DNAI7: variants seen among roughly 807,000 people sequenced by gnomAD.
DNAI7 encodes the protein cancer susceptibility 1.
A neutral mutation model predicts 86.6 loss-of-function variants in DNAI7; 78 were observed. The ratio of observed to expected loss-of-function variants is 0.90; its 90% CI spans 0.75 to 1.09. The LOEUF (loss-of-function observed/expected upper bound fraction) is 1.09, where lower values mean the gene tolerates loss of function less well. DNAI7 is among the 50% of genes least tolerant of loss of function. The pLI, the probability that DNAI7 is intolerant of heterozygous loss-of-function variation, is 0.00. For synonymous variants in DNAI7, 274 were observed against 273.0 expected (o/e 1.00, Z -0.04); for missense variants, 753 against 810.2 (o/e 0.93, Z 0.86).
rs1949699925 is a variant in DNAI7, at chr12:25,110,231, C to T, written c.1789G>A (p.Val597Ile). 3 of 1,582,838 alleles carry T rather than the reference C, an allele frequency of 1.9e-6. No homozygotes were observed. Among genetic ancestry groups the T allele is most frequent in the Non-Finnish European group, 2.6e-6 (3 of 1,152,708 alleles). Residue 597 changes from valine to isoleucine, a missense_variant, in exon 15 of 16, where the codon GTA (valine) becomes ATA (isoleucine). Coordinates refer to ENST00000395987, the MANE Select transcript of DNAI7 (RefSeq NM_018272.5). ...ATCTGTCGATAAGCTTTCACTTCTA[C>T]CAAAGGAACCTGTCAATATAAAAAC... ...YVIINNKVPLVEVKAYRQMAL... is the reference protein window; with the variant it reads ...YVIINNKVPLIEVKAYRQMAL...
chr12:25,144,457 C>G lies in DNAI7; in HGVS notation c.910G>C (p.Glu304Gln). The G allele has an allele frequency of 6.2e-7, 1 of 1,614,152 alleles. No homozygotes were observed. The highest frequency in any genetic ancestry group is 8.5e-7 in the Non-Finnish European group (1 of 1,180,004). ...VEKAISKEVE[E>Q]ESKQQERGSH... is the part of the protein sequence containing the mutation. Reference sequence around the variant, plus strand: ...CCTCTTTCTTGTTGTTTGGACTCTTCTTCGACCTCCTTGCTGATTGCTTTT... The same window carrying G: ...CCTCTTTCTTGTTGTTTGGACTCTTGTTCGACCTCCTTGCTGATTGCTTTT... The change falls in exon 9 of 16, where the codon GAA becomes CAA. Residue 304 changes from glutamate (E) to glutamine (Q), a missense_variant. Physicochemically the swap from Glu to Gln is conservative, Grantham distance 29. Coordinates refer to ENST00000395987, the MANE Select transcript of DNAI7 (RefSeq NM_018272.5).
At chr12:25,173,747 T>C (rs4365138) in intron 2 of DNAI7, among the ~76,000 whole-genome samples, 6,124 of 151,362 alleles carry the variant, frequency 0.04, 416 homozygotes, top group African/African-American at 0.13. Flanking sequence ...TATATATATA[T>C]ACACACACAC....
chr12:25,186,936 C>T (rs1394744534), intron 2 of DNAI7, among the ~76,000 whole-genome samples: 1 of 152,158 alleles, frequency 6.6e-6, no homozygotes, highest in African/African-American at 2.4e-5. Flanking sequence ...TTGAAGACTT[C>T]TAACCTACAC....
At chr12:25,138,660 A>G (rs1008121283) in intron 9 of DNAI7, among the ~76,000 whole-genome samples, 1 of 152,184 alleles carries the variant, frequency 6.6e-6, no homozygotes, top group East Asian at 1.9e-4. Context: ...GAACTGAACA[A>G]TAATAGTGAC....
At chr12:25,153,771 G>T (rs1199199617) in intron 6 of DNAI7, among the ~76,000 whole-genome samples, 1 of 151,878 alleles carries the variant, frequency 6.6e-6, no homozygotes, top group Non-Finnish European at 1.5e-5. Context: ...TACTTTTTTT[G>T]ATTAAAGCAA....
In DNAI7 at chr12:25,185,065, G is replaced by A. The variant is rs570223234; in HGVS notation, c.21+5549C>T. Among the ~76,000 whole-genome samples, 34 of 152,218 alleles carry A rather than the reference G, an allele frequency of 2.2e-4. 1 individual carries two copies. The South Asian group carries it at 6.6e-3, about 30-fold the overall frequency. On this transcript the variant is annotated intron_variant, in intron 2 of 15. Coordinates refer to ENST00000395987, the MANE Select transcript of DNAI7 (RefSeq NM_018272.5). The stretch of plus-strand genomic sequence containing the variant: ...AGGTGGGAGGATCACTTGAGCCTGG[G>A]AGGTTGAGGCTACAGTTAGCTGTAA...
At chr12:25,129,743 T>G (rs1321387615) in intron 9 of DNAI7, among the ~76,000 whole-genome samples, 1 of 146,286 alleles carries the variant, frequency 6.8e-6, no homozygotes, top group Non-Finnish European at 1.5e-5. Context: ...GTTTTTATTT[T>G]GGGTTTATTT....
chr12:25,174,595 T>TATATATCATATATATGGG lies in DNAI7; in HGVS notation c.22-13399_22-13398insCCCATATATATGATATAT, dbSNP rs1555181700. On this transcript the variant is annotated intron_variant, in intron 2 of 15. Transcript: ENST00000395987. ...TGGGATATATATCATATATATGGGA[T>TATATATCATATATATGGG]ATATATATGATATATATATCATATA... 4.5e-3 allele frequency among the ~76,000 whole-genome samples: 319 copies of TATATATCATATATATGGG among 71,232 alleles called. 6 individuals carry two copies. The highest frequency in any genetic ancestry group is 7.2e-3 in the Non-Finnish European group (271 of 37,396). The allele number at this position is 71,232 out of a possible 152,430, so 46.7% of individuals were successfully genotyped here. A position where few individuals can be genotyped will look rare whatever the true frequency, so the allele number is the denominator to read the frequency against.
At chr12:25,111,026 C>A (rs1362375043) in intron 14 of DNAI7, among the ~76,000 whole-genome samples, 1 of 151,936 alleles carries the variant, frequency 6.6e-6, no homozygotes, top group Non-Finnish European at 1.5e-5. Context: ...GGTTTTTTTC[C>A]TATGCATATA....
At chr12:25,140,054 A>G (rs189492916) in intron 9 of DNAI7, among the ~76,000 whole-genome samples, 108 of 152,298 alleles carry the variant, frequency 7.1e-4, no homozygotes, top group African/African-American at 2.5e-3. Flanking sequence ...TTAAGTTAAT[A>G]AAAGCCATCT....
chr12:25,115,641 C>T (rs2140389367), intron 12 of DNAI7, among the ~76,000 whole-genome samples: 1 of 152,286 alleles, frequency 6.6e-6, no homozygotes, highest in South Asian at 2.1e-4. Flanking sequence ...ACTTCACACC[C>T]ACTAGAATGG....
At chr12:25,167,503 C>T (rs1024842172) in intron 2 of DNAI7, among the ~76,000 whole-genome samples, 1 of 152,130 alleles carries the variant, frequency 6.6e-6, no homozygotes, top group African/African-American at 2.4e-5. Context: ...CTACCTCTCC[C>T]CAGCTATCTC....
intron 8 of DNAI7, among the ~76,000 whole-genome samples, chr12:25,146,222 CA>C (rs565902390): frequency 8.2e-4 from 98 of 119,944 alleles, no homozygotes; most frequent in East Asian, 4.7e-3. Flanking sequence ...AACTCTGTCT[CA>C]AAAAAAAAAA....
In DNAI7 at chr12:25,157,321, G is replaced by A. The variant is rs201300797; in HGVS notation, c.198+1151C>T. 4.2e-5 allele frequency among the ~76,000 whole-genome samples: 6 copies of A among 142,486 alleles called. No homozygotes were observed. The East Asian group carries it at 8.0e-4, about 19-fold the overall frequency. 93.5% of individuals were successfully genotyped at this position (142,486 alleles called of 152,430 possible). ...AAAGTTTTGATACAGTATCAAAGAAGAATATCCACAATTATCAGAAAGGCT... is the reference window on the plus strand; with the variant it reads ...AAAGTTTTGATACAGTATCAAAGAAAAATATCCACAATTATCAGAAAGGCT... On this transcript the variant is annotated intron_variant, in intron 4 of 15. Coordinates refer to ENST00000395987, the MANE Select transcript of DNAI7 (RefSeq NM_018272.5).
chr12:25,107,798 AT>A, downstream of DNAI7: 1 of 1,599,928 alleles, frequency 6.3e-7, no homozygotes, highest in Non-Finnish European at 8.6e-7. Context: ...ACCAAATTCT[AT>A]TTGTGTTTTC....
chr12:25,112,463 G>A (rs1394223100), intron 13 of DNAI7, among the ~76,000 whole-genome samples: 1 of 135,094 alleles, frequency 7.4e-6, no homozygotes, highest in Non-Finnish European at 1.5e-5. Flanking sequence ...CTGGAGTGCA[G>A]TGGTGTGATC....
intron 2 of DNAI7, among the ~76,000 whole-genome samples, chr12:25,162,338 T>G (rs886411466): frequency 6.6e-6 from 1 of 152,212 alleles, no homozygotes; most frequent in Non-Finnish European, 1.5e-5. Flanking sequence ...TTGTTAAAAA[T>G]AATTTACATA....
intron 12 of DNAI7, among the ~76,000 whole-genome samples, chr12:25,115,138 T>C (rs555044755): frequency 4.8e-4 from 73 of 152,310 alleles, no homozygotes; most frequent in African/African-American, 1.7e-3. Context: ...AAAGTTTTTC[T>C]CTTTTCAGCC....
In DNAI7 at chr12:25,108,371, T is replaced by C; in HGVS notation, c.*177A>G. The C allele has an allele frequency of 1.7e-6, 1 of 605,536 alleles. No individual in the cohort carries two copies. Among genetic ancestry groups the C allele is most frequent in the Middle Eastern group, 4.4e-4 (1 of 2,260 alleles). The allele number at this position is 605,536 out of a possible 1,614,324, so 37.5% of individuals were successfully genotyped here. ...GCTGAAATTCTTAACAGGCCAAGTA[T>C]TCAAAGGAAAAAAAAATACTGTTTT... On this transcript the variant is annotated 3_prime_UTR_variant, in exon 16 of 16. Transcript: ENST00000395987.
Sources: allele counts gnomAD v4.1 joint callset (sites outside exome capture counted in the v4.1 genomes callset), GRCh38; gene constraint gnomAD v4.1.1; transcripts MANE v1.5; gene names NCBI Gene and HGNC (gene_info 2026-07-23, HGNC 2026-07-21).